POFUT3: variants seen among roughly 807,000 people sequenced by gnomAD.
POFUT3 encodes the protein GDP-fucose protein O-fucosyltransferase 3.
the POFUT3 span, chr8:33,436,544 G>A: frequency 9.1e-6 from 9 of 984,162 alleles, no homozygotes; most frequent in South Asian, 1.3e-5. Flanking sequence ...TGCAGGTTGC[G>A]TATGGCATCT....
chr8:33,453,982 C>T, the POFUT3 span, among the ~76,000 whole-genome samples: 4 of 151,930 alleles, frequency 2.6e-5, no homozygotes, highest in Non-Finnish European at 4.4e-5. Flanking sequence ...AAAAAATTGG[C>T]CGGGCATGGT....
chr8:33,403,688 TC>T, the POFUT3 span, among the ~76,000 whole-genome samples: 1 of 152,110 alleles, frequency 6.6e-6, no homozygotes, highest in Non-Finnish European at 1.5e-5. Context: ...TACCACCGCA[TC>T]CCAGCCTGCG....
the POFUT3 span, among the ~76,000 whole-genome samples, chr8:33,456,223 A>C: frequency 5.8e-4 from 88 of 152,348 alleles, no homozygotes; most frequent in African/African-American, 1.8e-3. Flanking sequence ...CATAGGATAC[A>C]ACTCCAAAGG....
chr8:33,321,710 G>A, the POFUT3 span, among the ~76,000 whole-genome samples: 1 of 152,070 alleles, frequency 6.6e-6, no homozygotes, highest in Non-Finnish European at 1.5e-5. Flanking sequence ...GGAATTGATG[G>A]TGGCCATCTT....
At chr8:33,453,283 A>C in the POFUT3 span, 42 of 1,614,102 alleles carry the variant, frequency 2.6e-5, no homozygotes, top group South Asian at 4.6e-4. Context: ...AGAAACAAGC[A>C]TCTGCTCCAC....
At chr8:33,326,793 T>G in the POFUT3 span, among the ~76,000 whole-genome samples, 1 of 148,012 alleles carries the variant, frequency 6.8e-6, no homozygotes, top group Non-Finnish European at 1.5e-5. Flanking sequence ...TGTCTGTTTG[T>G]TTGAAATAGG....
chr8:33,311,477 C>T, the POFUT3 span, among the ~76,000 whole-genome samples: 11 of 152,204 alleles, frequency 7.2e-5, no homozygotes, highest in East Asian at 3.9e-4. Context: ...ATTACTTTCT[C>T]ATCCAAGGGG....
the POFUT3 span, among the ~76,000 whole-genome samples, chr8:33,338,670 G>A: frequency 1.3e-5 from 2 of 152,142 alleles, no homozygotes; most frequent in African/African-American, 4.8e-5. Flanking sequence ...GAGACCATAT[G>A]GGAAGCTGAA....
chr8:33,372,389 A>T, the POFUT3 span: 1 of 1,363,490 alleles, frequency 7.3e-7, no homozygotes, highest in African/African-American at 1.5e-5. Context: ...TAGTATAAAA[A>T]ATATAGTGGC....
the POFUT3 span, among the ~76,000 whole-genome samples, chr8:33,441,330 C>CA: frequency 0.046 from 5,493 of 118,644 alleles, 375 homozygotes; most frequent in African/African-American, 0.15. Context: ...GACTCCATCT[C>CA]AAAAAAAAAA....
chr8:33,438,050 G>A, the POFUT3 span, among the ~76,000 whole-genome samples: 1 of 152,096 alleles, frequency 6.6e-6, no homozygotes, highest in Non-Finnish European at 1.5e-5. Flanking sequence ...ACATGCCTAT[G>A]GAAGCAAAAT....
chr8:33,355,815 T>C, the POFUT3 span, among the ~76,000 whole-genome samples: 3 of 152,122 alleles, frequency 2.0e-5, no homozygotes, highest in African/African-American at 7.2e-5. Flanking sequence ...ATGCTATCCC[T>C]CGCCCCTCCC....
the POFUT3 span, among the ~76,000 whole-genome samples, chr8:33,326,320 C>T: frequency 3.3e-5 from 5 of 152,102 alleles, no homozygotes; most frequent in African/African-American, 1.2e-4. Flanking sequence ...CTCCAGTACC[C>T]TTAAGTCATA....
the POFUT3 span, among the ~76,000 whole-genome samples, chr8:33,312,968 T>C: frequency 1.4e-4 from 21 of 152,180 alleles, no homozygotes; most frequent in Non-Finnish European, 2.9e-4. Context: ...GTCTCATTTA[T>C]TCACTCATTC....
chr8:33,380,246 AC>A, the POFUT3 span, among the ~76,000 whole-genome samples: 1 of 102,276 alleles, frequency 9.8e-6, no homozygotes, highest in Non-Finnish European at 1.8e-5. Flanking sequence ...ATATATATAT[AC>A]TATATATATA....
chr8:33,364,947 G>A, the POFUT3 span, among the ~76,000 whole-genome samples: 1 of 152,242 alleles, frequency 6.6e-6, no homozygotes, highest in Admixed American at 6.5e-5. Flanking sequence ...AGCCCACATT[G>A]CCAAGACAAT....
the POFUT3 span, among the ~76,000 whole-genome samples, chr8:33,466,139 C>T: frequency 4.6e-5 from 7 of 152,228 alleles, 2 homozygotes; most frequent in Admixed American, 6.5e-5. Context: ...AAGTAACTAC[C>T]ACTAAAGAAC....
chr8:33,434,828 C>T, the POFUT3 span, among the ~76,000 whole-genome samples: 103 of 152,338 alleles, frequency 6.8e-4, no homozygotes, highest in South Asian at 1.9e-3. Context: ...ACTCCCACAT[C>T]GCCTCACAGG....
the POFUT3 span, among the ~76,000 whole-genome samples, chr8:33,340,600 T>C: frequency 1.2e-4 from 19 of 152,026 alleles, no homozygotes; most frequent in South Asian, 1.0e-3. Flanking sequence ...AAAAAAGATA[T>C]ATCATTTAAA....
Sources: allele counts gnomAD v4.1 joint callset (sites outside exome capture counted in the v4.1 genomes callset), GRCh38; gene constraint gnomAD v4.1.1; transcripts MANE v1.5; gene names NCBI Gene and HGNC (gene_info 2026-07-23, HGNC 2026-07-21).